GPR107: variants seen among roughly 807,000 people sequenced by gnomAD.
GPR107 encodes protein GPR107.
Under a neutral mutation model 75.5 loss-of-function variants are expected in GPR107, and 31 were observed. That is an observed-to-expected ratio of 0.41 (90% CI 0.31 to 0.55). The LOEUF is 0.55. GPR107 is among the 20% of genes least tolerant of loss of function. The pLI is 0.26. For missense variants in GPR107, 572 were observed against 665.7 expected (o/e 0.86, Z 1.55); for synonymous variants, 267 against 251.3 (o/e 1.06, Z -0.59).
At chr9:130,086,518 T>C (rs750537620) in intron 7 of GPR107, 42 bp downstream of exon 7, 2 of 1,169,326 alleles carry the variant, frequency 1.7e-6, no homozygotes, top group South Asian at 2.5e-5. Flanking sequence ...AATTTCTCTC[T>C]ACCATGTAAA....
Position 130,103,875 on chromosome 9 carries a change from C to G in GPR107, c.1132-545C>G, listed in dbSNP as rs984251868. On this transcript the variant is annotated intron_variant, in intron 12 of 17. Coordinates refer to ENST00000347136, the MANE Select transcript of GPR107 (RefSeq NM_020960.5). The surrounding 1 kb of genome is among the most constrained non-coding windows in gnomAD (Gnocchi z 4.3). ...ACGACAATAACCCGTCATTCTCTCT[C>G]TCAGTTTCTGTGGGTTAGGAATTCA... Among the ~76,000 whole-genome samples, 2 of 152,214 alleles carry G rather than the reference C, an allele frequency of 1.3e-5. No individual in the cohort carries two copies. Among genetic ancestry groups the G allele is most frequent in the African/African-American group, 4.8e-5 (2 of 41,466 alleles).
intron 7 of GPR107, among the ~76,000 whole-genome samples, chr9:130,087,972 T>A (rs1329246168): frequency 6.6e-6 from 1 of 152,206 alleles, no homozygotes; most frequent in Non-Finnish European, 1.5e-5. Context: ...AGCACTGTTC[T>A]GATTTCTTTT....
chr9:130,084,227 G>A (rs1830561372), intron 6 of GPR107, among the ~76,000 whole-genome samples: 1 of 147,210 alleles, frequency 6.8e-6, no homozygotes, highest in African/African-American at 2.6e-5. Context: ...GTGAAACTCT[G>A]TCTCTACTAA....
Position 130,066,445 on chromosome 9 carries a change from A to G in GPR107, c.142-9191A>G, listed in dbSNP as rs1236572085. 3.3e-5 allele frequency among the ~76,000 whole-genome samples: 5 copies of G among 152,100 alleles called. 1 individual carries two copies. Among genetic ancestry groups the G allele is most frequent in the Non-Finnish European group, 7.4e-5 (5 of 67,998 alleles). On this transcript the variant is annotated intron_variant, in intron 1 of 17. Transcript: ENST00000347136. ...GATGATTGTGCCTCATCTCGGGCCC[A>G]TTGATTATTAGCTGCTCCATTCTGG...
At chr9:130,076,793 G>A (rs193300635) in intron 3 of GPR107, among the ~76,000 whole-genome samples, 107 of 152,098 alleles carry the variant, frequency 7.0e-4, no homozygotes, top group African/African-American at 2.5e-3. Flanking sequence ...GACTGCAGGC[G>A]TGAGCACCAC....
Position 130,135,308 on chromosome 9 carries a change from C to G in GPR107, c.*187C>G, listed in dbSNP as rs1588090645. 6.2e-6 allele frequency: 3 copies of G among 483,078 alleles called. No individual in the cohort carries two copies. The highest frequency in any genetic ancestry group is 1.1e-5 in the Non-Finnish European group (3 of 274,830). The allele number at this position is 483,078 out of a possible 1,614,324, so 29.9% of individuals were successfully genotyped here. On this transcript the variant is annotated 3_prime_UTR_variant, in exon 18 of 18. Coordinates refer to ENST00000347136, the MANE Select transcript of GPR107 (RefSeq NM_020960.5). ...TCTCTTTTATGGAAACGATCTGTGGCTGTTTAGAGGCAGCTGGATCCTCTT... is the reference window on the plus strand; with the variant it reads ...TCTCTTTTATGGAAACGATCTGTGGGTGTTTAGAGGCAGCTGGATCCTCTT...
rs555491514 is a variant in GPR107 at position 130,066,381 on chromosome 9, C to T, written c.142-9255C>T. Among the ~76,000 whole-genome samples, 118 of 101,816 alleles carry T rather than the reference C, an allele frequency of 1.2e-3. 1 individual carries two copies. Among genetic ancestry groups the T allele is most frequent in the Non-Finnish European group, 2.1e-3 (102 of 48,998 alleles). 66.8% of individuals were successfully genotyped at this position (101,816 alleles called of 152,430 possible). On this transcript the variant is annotated intron_variant, in intron 1 of 17. Transcript: ENST00000347136. ...TCGTTCCCATTGATTATTATGATTG[C>T]GCATTGATGATGATGATGGTGATGA... is the stretch of plus-strand genomic sequence containing the variant.
At chr9:130,063,287 T>G (rs1481205306) in intron 1 of GPR107, among the ~76,000 whole-genome samples, 1 of 151,800 alleles carries the variant, frequency 6.6e-6, no homozygotes, top group Admixed American at 6.6e-5. Flanking sequence ...ACTTCCCGGG[T>G]TCATGCCATT....
chr9:130,094,361 G>A (rs58066076), intron 9 of GPR107, among the ~76,000 whole-genome samples: 5 of 152,082 alleles, frequency 3.3e-5, no homozygotes, highest in Non-Finnish European at 4.4e-5. Context: ...GGAGAATGGC[G>A]TGAACCTGGG....
At chr9:130,055,059 G>A (rs1008343995) in intron 1 of GPR107, among the ~76,000 whole-genome samples, 5 of 152,184 alleles carry the variant, frequency 3.3e-5, no homozygotes, top group African/African-American at 1.2e-4. Flanking sequence ...TCCAGCCTGA[G>A]GAACAGAGCA....
intron 12 of GPR107, among the ~76,000 whole-genome samples, chr9:130,102,675 G>A (rs1454625531): frequency 6.6e-6 from 1 of 152,140 alleles, no homozygotes; most frequent in Non-Finnish European, 1.5e-5. Flanking sequence ...GGTGTTTCAG[G>A]AACACTCTTG....
chr9:130,078,164 C>CAA (rs201310482), intron 4 of GPR107, among the ~76,000 whole-genome samples: 107 of 98,720 alleles, frequency 1.1e-3, no homozygotes, highest in African/African-American at 3.6e-3. Flanking sequence ...GACTCCGTCT[C>CAA]AAAAAAAAAA....
intron 17 of GPR107, among the ~76,000 whole-genome samples, chr9:130,133,534 G>T (rs1488715648): frequency 6.6e-6 from 1 of 152,152 alleles, no homozygotes; most frequent in Admixed American, 6.5e-5. Flanking sequence ...TCATGCAAAG[G>T]CCCTACCTCC....
In GPR107 at chr9:130,138,864, A is replaced by G. The variant is rs1264122253; in HGVS notation, c.*3743A>G. The G allele has an allele frequency of 6.6e-6, 1 of 152,120 alleles. No individual in the cohort carries two copies. The highest frequency in any genetic ancestry group is 1.5e-5 in the Non-Finnish European group (1 of 68,040). 9.4% of individuals were successfully genotyped at this position (152,120 alleles called of 1,614,324 possible). ...GGAAGAGCATAGCGATGCCTGTTGG[A>G]ATTGCAGATGCATTCTGGCCTTCTC... is the stretch of plus-strand genomic sequence containing the variant. On this transcript the variant is annotated 3_prime_UTR_variant, in exon 18 of 18. Transcript: ENST00000347136.
At chr9:130,092,186 A>G in intron 8 of GPR107, 62 bp from the exon 9 acceptor site, 4 of 1,433,230 alleles carry the variant, frequency 2.8e-6, no homozygotes, top group Non-Finnish European at 2.9e-6. Flanking sequence ...TGAGATTCCA[A>G]ATTGCTGAAT....
At chr9:130,127,073 A>G (rs1831707807) in intron 15 of GPR107, among the ~76,000 whole-genome samples, 1 of 152,272 alleles carries the variant, frequency 6.6e-6, no homozygotes, top group African/African-American at 2.4e-5. Flanking sequence ...AGAAGAGGAC[A>G]GAAGTCAGTA....
rs200139702 is a variant in GPR107, at chr9:130,115,445, G to A, written c.1306+7906G>A. ...GGAATGGACCTCAAAGAGCAGTTCT[G>A]CTCTGGTCCTTTTTGTTTTCTTTTA... is the stretch of plus-strand genomic sequence containing the variant. On this transcript the variant is annotated intron_variant, in intron 14 of 17. Coordinates refer to ENST00000347136, the MANE Select transcript of GPR107 (RefSeq NM_020960.5). 1.1e-4 allele frequency among the ~76,000 whole-genome samples: 16 copies of A among 149,302 alleles called. No homozygotes were observed. The East Asian group carries it at 2.5e-3, about 24-fold the overall frequency.
intron 14 of GPR107, among the ~76,000 whole-genome samples, chr9:130,119,743 C>G (rs988069783): frequency 6.6e-6 from 1 of 152,158 alleles, no homozygotes; most frequent in African/African-American, 2.4e-5. Flanking sequence ...CCGCCAACTG[C>G]TGTCTGATAA....
At chr9:130,129,166 G>C (rs569260533) in intron 17 of GPR107, 9 of 169,492 alleles carry the variant, frequency 5.3e-5, no homozygotes, top group Non-Finnish European at 1.1e-4. Flanking sequence ...ATGATCCTCA[G>C]ACATCCTCTA....
Sources: gnomAD v4.1 joint callset for allele counts (sites outside exome capture counted in the v4.1 genomes callset) on GRCh38, gnomAD v4.1.1 for gene constraint, Gnocchi (gnomAD v3.1) non-coding constraint, MANE v1.5 for transcripts, NCBI Gene and HGNC (gene_info 2026-07-23, HGNC 2026-07-21) for gene names.